Variants in MCOLN2 observed in about 807,000 individuals in gnomAD.
MCOLN2 encodes the protein mucolipin TRP cation channel 2.
Under a neutral mutation model 67.5 loss-of-function variants are expected in MCOLN2, and 57 were observed. The ratio of observed to expected loss-of-function variants is 0.84; its 90% CI spans 0.68 to 1.05. The LOEUF (loss-of-function observed/expected upper bound fraction) is 1.05. MCOLN2 is among the 50% of genes least tolerant of loss of function. The probability of loss-of-function intolerance (pLI) is 0.00; values close to 1 mark genes in which losing one functional copy is unlikely to be tolerated. For synonymous variants in MCOLN2, 246 were observed against 233.3 expected, an observed-to-expected ratio of 1.05 and a Z score of -0.50; for missense variants, 620 against 678.8, an observed-to-expected ratio of 0.91 and a Z score of 0.96.
At chr1:84,945,415 T>C (rs965596764) in intron 7 of MCOLN2, among the ~76,000 whole-genome samples, 1 of 152,218 alleles carries the variant, frequency 6.6e-6, no homozygotes, top group Non-Finnish European at 1.5e-5. Flanking sequence ...TAGTAACCAC[T>C]TTTTAACAGA....
intron 3 of MCOLN2, 130 bp downstream of exon 3, chr1:84,958,399 C>A (rs1648901530): frequency 4.7e-6 from 3 of 644,070 alleles, no homozygotes; most frequent in African/African-American, 3.8e-5. Flanking sequence ...TAGCAATAAA[C>A]ATTTTTTGGC....
chr1:84,983,967 C>T (rs1428650066), intron 1 of MCOLN2, among the ~76,000 whole-genome samples: 12 of 152,158 alleles, frequency 7.9e-5, no homozygotes, highest in Admixed American at 7.2e-4. Context: ...AGCCACTGCG[C>T]CCAGCCCTAC....
chr1:84,976,437 T>C (rs1050178587), intron 1 of MCOLN2, among the ~76,000 whole-genome samples: 6 of 152,202 alleles, frequency 3.9e-5, no homozygotes, highest in Non-Finnish European at 8.8e-5. Flanking sequence ...GTATGTCTGG[T>C]GAAAACATTC....
intron 11 of MCOLN2, among the ~76,000 whole-genome samples, chr1:84,936,395 T>G (rs1647433167): frequency 6.6e-6 from 1 of 152,152 alleles, no homozygotes; most frequent in Non-Finnish European, 1.5e-5. Context: ...TTCCACACAG[T>G]GCAACACTGC....
intron 2 of MCOLN2, among the ~76,000 whole-genome samples, chr1:84,960,846 T>G (rs1649049896): frequency 6.6e-6 from 1 of 152,084 alleles, no homozygotes; most frequent in Non-Finnish European, 1.5e-5. Context: ...CAAAGTTTGC[T>G]GAGTGCTTAC....
chr1:84,958,740 C>A, intron 2 of MCOLN2, 38 bp from the exon 3 acceptor site: 2 of 1,456,260 alleles, frequency 1.4e-6, no homozygotes, highest in Non-Finnish European at 1.8e-6. Context: ...ATGAATTACA[C>A]CATTTATCAG....
intron 1 of MCOLN2, among the ~76,000 whole-genome samples, chr1:84,990,047 A>C (rs1650804810): frequency 6.6e-6 from 1 of 152,148 alleles, no homozygotes; most frequent in Non-Finnish European, 1.5e-5. Flanking sequence ...CTGTAATCCC[A>C]GCACTTTGGG....
chr1:84,996,292 T>C lies in MCOLN2; in HGVS notation c.77+504A>G, dbSNP rs111708666. ...GAAACCTCTCCCACCTTTCTCTTAC[T>C]AACCTTTTCTTCCATTCTCAGTTTA... On this transcript the variant is annotated intron_variant, in intron 1 of 13. Transcript: ENST00000370608. 4.3e-3 allele frequency among the ~76,000 whole-genome samples: 648 copies of C among 151,856 alleles called. 9 individuals are homozygous for C. Among genetic ancestry groups the C allele is most frequent in the African/African-American group, 0.014 (588 of 41,320 alleles).
At chr1:84,940,305 T>C (rs753199005) in intron 8 of MCOLN2, among the ~76,000 whole-genome samples, 25 of 152,170 alleles carry the variant, frequency 1.6e-4, no homozygotes, top group Non-Finnish European at 3.2e-4. Flanking sequence ...GGACTTCCAA[T>C]TTCCCCTGAC....
intron 7 of MCOLN2, among the ~76,000 whole-genome samples, chr1:84,942,943 T>C (rs558713905): frequency 1.8e-4 from 27 of 152,284 alleles, no homozygotes; most frequent in African/African-American, 6.0e-4. Flanking sequence ...GGCTCCGACT[T>C]TGGACTTCTC....
intron 1 of MCOLN2, among the ~76,000 whole-genome samples, chr1:84,985,237 T>A (rs6691970): frequency 6.6e-6 from 1 of 151,920 alleles, no homozygotes; most frequent in African/African-American, 2.4e-5. Flanking sequence ...GGTAAACCAT[T>A]TCTTGCTATA....
intron 1 of MCOLN2, among the ~76,000 whole-genome samples, chr1:84,965,960 T>C (rs1255399197): frequency 1.3e-5 from 2 of 152,152 alleles, no homozygotes; most frequent in Admixed American, 6.5e-5. Context: ...TTGTTCAAAA[T>C]GGCCAATCTC....
rs1648903836 is a variant in MCOLN2 at position 84,958,462 on chromosome 1, T to C, written c.411+67A>G. 1.7e-5 allele frequency: 22 copies of C among 1,329,840 alleles called. No homozygotes were observed. The South Asian group carries it at 3.1e-4, about 19-fold the overall frequency. 82.4% of individuals were successfully genotyped at this position (1,329,840 alleles called of 1,614,324 possible). On this transcript the variant is annotated intron_variant, in intron 3 of 13. Transcript: ENST00000370608. ...TTAACATGTGTATAATTTTTGTTTG[T>C]TGGCTAAGACAAGGCCAAGTATCAA...
At chr1:84,931,653 G>GT in intron 11 of MCOLN2, 85 bp from the exon 12 acceptor site, 1 of 1,149,932 alleles carries the variant, frequency 8.7e-7, no homozygotes, top group Non-Finnish European at 1.3e-6. Context: ...TGTTAACATT[G>GT]TTTTTGTCAT....
At chr1:84,933,518 G>A (rs889064012) in intron 11 of MCOLN2, among the ~76,000 whole-genome samples, 3 of 152,164 alleles carry the variant, frequency 2.0e-5, no homozygotes, top group African/African-American at 4.8e-5. Context: ...TAAAACAGGC[G>A]ATTGCCAGAG....
chr1:84,995,348 A>G (rs1651091949), intron 1 of MCOLN2, among the ~76,000 whole-genome samples: 1 of 152,238 alleles, frequency 6.6e-6, no homozygotes, highest in Non-Finnish European at 1.5e-5. Context: ...ATTGAATTAA[A>G]TGCAGTATCT....
At chr1:84,984,264 C>T (rs1432253638) in intron 1 of MCOLN2, among the ~76,000 whole-genome samples, 2 of 152,182 alleles carry the variant, frequency 1.3e-5, no homozygotes, top group Non-Finnish European at 1.5e-5. Context: ...CTGCCCTTTT[C>T]CCCATTTGTT....
At chr1:84,950,372 C>T (rs1019467128) in intron 6 of MCOLN2, among the ~76,000 whole-genome samples, 3 of 152,212 alleles carry the variant, frequency 2.0e-5, no homozygotes, top group African/African-American at 4.8e-5. Flanking sequence ...TTTGAAAGAA[C>T]ACAAATGATC....
At chr1:84,952,557 G>C in intron 4 of MCOLN2, 27 bp from the exon 5 acceptor site, 1 of 1,476,680 alleles carries the variant, frequency 6.8e-7, no homozygotes, top group South Asian at 1.1e-5. Flanking sequence ...ACAAGAAATG[G>C]TTGTTTCAGG....
Sources: allele counts gnomAD v4.1 joint callset (sites outside exome capture counted in the v4.1 genomes callset), GRCh38; gene constraint gnomAD v4.1.1; transcripts MANE v1.5; gene names NCBI Gene and HGNC (gene_info 2026-07-23, HGNC 2026-07-21).